Variants in UQCC2 observed in about 807,000 individuals in gnomAD.
UQCC2 encodes ubiquinol-cytochrome c reductase complex assembly factor 2, also known as breast cancer-associated protein SGA-81M.
A neutral mutation model predicts 19.9 loss-of-function variants in UQCC2; 21 were observed. The observed-to-expected ratio is 1.05, with a 90% confidence interval of 0.75 to 1.52. The LOEUF (loss-of-function observed/expected upper bound fraction) is 1.52, where lower values mean the gene tolerates loss of function less well. UQCC2 is among the 40% of genes most tolerant of loss of function. The probability of loss-of-function intolerance (pLI) is 0.00; values close to 1 mark genes in which losing one functional copy is unlikely to be tolerated. For missense variants in UQCC2, 135 were observed against 157.5 expected, an observed-to-expected ratio of 0.86 and a Z score of 0.76; for synonymous variants, 57 against 60.9, an observed-to-expected ratio of 0.94 and a Z score of 0.30.
chr6:33,697,750 T>C lies in UQCC2; in HGVS notation c.284A>G (p.Asp95Gly). 6.2e-7 allele frequency: 1 copy of C among 1,612,704 alleles called. No individual in the cohort carries two copies. The highest frequency in any genetic ancestry group is 8.5e-7 in the Non-Finnish European group (1 of 1,179,484). Residue 95 changes from aspartate to glycine, a missense_variant and splice_region_variant, in exon 4 of 4, where the codon GAC becomes GGC. Asp to Gly is a moderately conservative substitution (Grantham distance 94). Transcript: ENST00000607484. ...TATTTCCTTAAGCTCTTCCAAGGTG[T>C]CTGCAAAAGGGGAAGACAAAAAGAG... ...LEEYKLILST[D>G]TLEELKEIDK...
At chr6:33,700,557 A>C (rs1301766630) in intron 2 of UQCC2, 44 bp from the exon 3 acceptor site, 19 of 1,597,780 alleles carry the variant, frequency 1.2e-5, no homozygotes, top group Non-Finnish European at 1.6e-5. Context: ...GGGAGAGATC[A>C]GCACACAAGC....
At position 33,696,945 on chromosome 6, in the gene UQCC2, T is replaced by A. The variant is rs985685160; in HGVS notation, c.*708A>T. 6.6e-6 allele frequency: 1 copy of A among 152,294 alleles called. No individual in the cohort carries two copies. Among genetic ancestry groups the A allele is most frequent in the Non-Finnish European group, 1.5e-5 (1 of 68,102 alleles). 9.4% of individuals were successfully genotyped at this position (152,294 alleles called of 1,614,324 possible). On this transcript the variant is annotated 3_prime_UTR_variant, in exon 4 of 4. Coordinates refer to ENST00000607484, the MANE Select transcript of UQCC2 (RefSeq NM_032340.4). ...AATATCAGTAAGAGCCAAGGTTCCA[T>A]GGAATAATGAGGTGACCCTGTGTGT...
Position 33,697,971 on chromosome 6 carries a change from G to A in UQCC2, c.284-221C>T, listed in dbSNP as rs1198208433. 11 of 555,194 alleles carry A rather than the reference G, an allele frequency of 2.0e-5. No homozygotes were observed. The East Asian group carries it at 3.4e-4, about 17-fold the overall frequency. 34.4% of individuals were successfully genotyped at this position (555,194 alleles called of 1,614,324 possible). A position where few individuals can be genotyped will look rare whatever the true frequency, so the allele number is the denominator to read the frequency against. On this transcript the variant is annotated intron_variant, in intron 3 of 3. Coordinates refer to ENST00000607484, the MANE Select transcript of UQCC2 (RefSeq NM_032340.4). Reference sequence around the variant, plus strand: ...GTGTGCCAGACTCTGTGCCCAGCACGCTGTCAGTGGTCTCCTGCCCTCTCC... The same window carrying A: ...GTGTGCCAGACTCTGTGCCCAGCACACTGTCAGTGGTCTCCTGCCCTCTCC...
intron 1 of UQCC2, among the ~76,000 whole-genome samples, chr6:33,702,705 A>G (rs626156): frequency 0.34 from 51,635 of 152,090 alleles, 9,259 homozygotes; most frequent in Non-Finnish European, 0.4. Context: ...TTTTCTGCCA[A>G]GAATTTTGAA....
chr6:33,700,363 C>G lies in UQCC2; in HGVS notation c.283+81G>C, dbSNP rs1765624725. 4.0e-6 allele frequency: 6 copies of G among 1,502,502 alleles called. No individual in the cohort carries two copies. In the African/African-American group the frequency reaches 8.3e-5, roughly 21 times the overall value. 93.1% of individuals were successfully genotyped at this position (1,502,502 alleles called of 1,614,324 possible). A position where few individuals can be genotyped will look rare whatever the true frequency, so the allele number is the denominator to read the frequency against. On this transcript the variant is annotated intron_variant, in intron 3 of 3. Coordinates refer to ENST00000607484, the MANE Select transcript of UQCC2 (RefSeq NM_032340.4). The stretch of plus-strand genomic sequence containing the variant: ...AAGACTTTCCATCAAGCAAAACTGT[C>G]TTCTTAGACAATTCCCCTTGGCCAC...
At chr6:33,700,561 C>T (rs192222944) in intron 2 of UQCC2, 48 bp from the exon 3 acceptor site, 5 of 1,593,030 alleles carry the variant, frequency 3.1e-6, no homozygotes, top group Middle Eastern at 1.7e-4. Flanking sequence ...GAGATCAGCA[C>T]ACAAGCCCTG....
chr6:33,697,631 G>C lies in UQCC2; in HGVS notation c.*22C>G. On this transcript the variant is annotated 3_prime_UTR_variant, in exon 4 of 4. Coordinates refer to ENST00000607484, the MANE Select transcript of UQCC2 (RefSeq NM_032340.4). ...TGTACAAGACTCCACACCTAGGTAT[G>C]TGCACGAGGTAAGGCCTGAGCTCAG... The C allele has an allele frequency of 6.4e-7, 1 of 1,572,226 alleles. No individual in the cohort carries two copies. Among genetic ancestry groups the C allele is most frequent in the South Asian group, 1.1e-5 (1 of 88,186 alleles).
intron 3 of UQCC2, chr6:33,698,509 A>C (rs906574997): frequency 2.2e-4 from 33 of 152,238 alleles, no homozygotes; most frequent in African/African-American, 7.5e-4. Context: ...CGCTTGGCAC[A>C]CAGCCCGCAC....
At position 33,697,554 on chromosome 6, in the gene UQCC2, C is replaced by T; in HGVS notation, c.*99G>A. On this transcript the variant is annotated 3_prime_UTR_variant, in exon 4 of 4. Transcript: ENST00000607484. ...CTTTCTGGGAAAGCTAGAGGAGATT[C>T]CCAAACCGTAAGGTCAAGGGGAAAC... is the stretch of plus-strand genomic sequence containing the variant. 1.1e-6 allele frequency: 1 copy of T among 903,224 alleles called. No homozygotes were observed. The highest frequency in any genetic ancestry group is 1.7e-6 in the Non-Finnish European group (1 of 596,626). 56.0% of individuals were successfully genotyped at this position (903,224 alleles called of 1,614,324 possible).
chr6:33,706,012 T>G (rs778829310), intron 1 of UQCC2, among the ~76,000 whole-genome samples: 3 of 152,204 alleles, frequency 2.0e-5, no homozygotes, highest in Non-Finnish European at 4.4e-5. Flanking sequence ...TTTCCCCTGT[T>G]CAGTCGTCAG....
At chr6:33,699,900 G>C (rs1765618721) in intron 3 of UQCC2, among the ~76,000 whole-genome samples, 1 of 152,194 alleles carries the variant, frequency 6.6e-6, no homozygotes, top group Non-Finnish European at 1.5e-5. Flanking sequence ...CCTCCTTAGG[G>C]ACAATGGAGA....
intron 1 of UQCC2, among the ~76,000 whole-genome samples, chr6:33,706,421 A>G (rs4713664): frequency 0.41 from 62,181 of 151,750 alleles, 15,151 homozygotes; most frequent in East Asian, 0.85. Context: ...AGCTGTGGAG[A>G]AGCTGGCAGG....
At chr6:33,708,215 G>A (rs905885187) in intron 1 of UQCC2, among the ~76,000 whole-genome samples, 6 of 152,204 alleles carry the variant, frequency 3.9e-5, no homozygotes, top group Non-Finnish European at 7.3e-5. Flanking sequence ...AGGTTTGAAC[G>A]GGCAACCAGG....
intron 3 of UQCC2, among the ~76,000 whole-genome samples, chr6:33,700,192 T>C (rs966130823): frequency 1.3e-5 from 2 of 152,224 alleles, no homozygotes; most frequent in African/African-American, 4.8e-5. Flanking sequence ...CAAATAGGTA[T>C]TCCTCTGTTC....
intron 1 of UQCC2, among the ~76,000 whole-genome samples, chr6:33,706,173 A>C (rs1765696002): frequency 6.6e-6 from 1 of 152,222 alleles, no homozygotes; most frequent in South Asian, 2.1e-4. Context: ...ACGCATAAGC[A>C]CTTTTGGGAA....
chr6:33,700,827 G>C (rs1405744688), intron 2 of UQCC2, among the ~76,000 whole-genome samples: 1 of 152,236 alleles, frequency 6.6e-6, no homozygotes, highest in East Asian at 1.9e-4. Context: ...TGTTAGCAGG[G>C]AGGATTTAGA....
chr6:33,710,996 G>A (rs1048641419), intron 1 of UQCC2, among the ~76,000 whole-genome samples: 2 of 152,186 alleles, frequency 1.3e-5, no homozygotes, highest in Non-Finnish European at 2.9e-5. Context: ...GATTAGCTCA[G>A]TCAATACACA....
intron 1 of UQCC2, among the ~76,000 whole-genome samples, chr6:33,704,150 G>C (rs913612606): frequency 6.6e-6 from 1 of 152,226 alleles, no homozygotes; most frequent in Non-Finnish European, 1.5e-5. Context: ...TTTTCTCACA[G>C]TTATTAGTAG....
chr6:33,708,261 T>C (rs896079667), intron 1 of UQCC2, among the ~76,000 whole-genome samples: 2 of 152,134 alleles, frequency 1.3e-5, no homozygotes, highest in African/African-American at 4.8e-5. Context: ...GAATAAGAGG[T>C]TGTTCTAACA....
Sources: gnomAD v4.1 joint callset for allele counts (sites outside exome capture counted in the v4.1 genomes callset) on GRCh38, gnomAD v4.1.1 for gene constraint, MANE v1.5 for transcripts, NCBI Gene and HGNC (gene_info 2026-07-23, HGNC 2026-07-21) for gene names.